The following PCDH9 variants were observed in gnomAD, a reference collection of about 807,000 sequenced individuals.
PCDH9 encodes protocadherin 9.
Under a neutral mutation model 70.6 loss-of-function variants are expected in PCDH9, and 24 were observed. That is an observed-to-expected ratio of 0.34 (90% CI 0.25 to 0.48). The LOEUF is 0.48. PCDH9 is among the 20% of genes least tolerant of loss of function. The probability of loss-of-function intolerance (pLI) is 0.99; values close to 1 mark genes in which losing one functional copy is unlikely to be tolerated. For synonymous variants in PCDH9, 562 were observed against 558.5 expected, an observed-to-expected ratio of 1.01 and a Z score of -0.09; for missense variants, 1,281 against 1,503.6, an observed-to-expected ratio of 0.85 and a Z score of 2.45.
At chr13:66,945,290 C>G (rs1258099449) in intron 2 of PCDH9, among the ~76,000 whole-genome samples, 1 of 152,046 alleles carries the variant, frequency 6.6e-6, no homozygotes, top group African/African-American at 2.4e-5. Flanking sequence ...CCCCAAGCAA[C>G]TAGTTCTTTC....
chr13:66,852,989 ATAG>A (rs2081338896), intron 3 of PCDH9, among the ~76,000 whole-genome samples: 1 of 152,072 alleles, frequency 6.6e-6, no homozygotes, highest in South Asian at 2.1e-4. Flanking sequence ...AAGAAGAGAA[ATAG>A]TAAGAAATTA....
At chr13:67,109,739 T>C (rs1010278246) in intron 2 of PCDH9, among the ~76,000 whole-genome samples, 4 of 152,180 alleles carry the variant, frequency 2.6e-5, no homozygotes, top group Non-Finnish European at 5.9e-5. Context: ...AATCAAAATA[T>C]TTCTTTGGGT....
rs756346888 is a variant in PCDH9 at position 67,225,702 on chromosome 13, T to C, written c.2739A>G (p.Gln913=). The C allele has an allele frequency of 9.3e-6, 15 of 1,614,164 alleles. No homozygotes were observed. The highest frequency in any genetic ancestry group is 1.3e-5 in the Non-Finnish European group (15 of 1,180,004). Residue 913 remains glutamine (Q), a synonymous_variant, in exon 2 of 5, where the codon CAA becomes CAG. Coordinates refer to ENST00000377865, the MANE Select transcript of PCDH9 (RefSeq NM_203487.3). ...TISLPAELEE[Q]SIGRFDWGPA... Reference sequence around the variant, plus strand: ...GGCCCCAGTCAAATCTTCCTATACTTTGCTCCTCCAGTTCAGCCGGCAGGC... The same window carrying C: ...GGCCCCAGTCAAATCTTCCTATACTCTGCTCCTCCAGTTCAGCCGGCAGGC...
intron 4 of PCDH9, among the ~76,000 whole-genome samples, chr13:66,538,486 A>G (rs936634811): frequency 6.6e-6 from 1 of 152,194 alleles, no homozygotes; most frequent in Non-Finnish European, 1.5e-5. Flanking sequence ...CAGAACCAAC[A>G]GGACATATAT....
At chr13:66,356,859 T>C (rs933572711) in intron 4 of PCDH9, among the ~76,000 whole-genome samples, 24 of 152,080 alleles carry the variant, frequency 1.6e-4, no homozygotes, top group Non-Finnish European at 1.5e-5. Flanking sequence ...ATGACAGTAC[T>C]GTCATTATGT....
chr13:66,879,201 T>C (rs1409540056), intron 3 of PCDH9, among the ~76,000 whole-genome samples: 1 of 152,198 alleles, frequency 6.6e-6, no homozygotes, highest in Non-Finnish European at 1.5e-5. Flanking sequence ...GCACAATTAT[T>C]AATTATATTT....
At chr13:67,028,774 A>G (rs907547388) in intron 2 of PCDH9, among the ~76,000 whole-genome samples, 2 of 152,126 alleles carry the variant, frequency 1.3e-5, no homozygotes, top group Non-Finnish European at 2.9e-5. Context: ...ATCTATTTAT[A>G]ATACACACAC....
At chr13:66,557,742 T>A (rs968304113) in intron 4 of PCDH9, among the ~76,000 whole-genome samples, 1 of 152,200 alleles carries the variant, frequency 6.6e-6, no homozygotes, top group Non-Finnish European at 1.5e-5. Context: ...GGAGAAGATG[T>A]GCTAATGATA....
intron 3 of PCDH9, among the ~76,000 whole-genome samples, chr13:66,750,353 C>T (rs2079438474): frequency 6.6e-6 from 1 of 151,740 alleles, no homozygotes; most frequent in Non-Finnish European, 1.5e-5. Context: ...TTTTCTCATT[C>T]TCCAAGAATG....
chr13:66,338,596 C>T (rs1042377097), intron 4 of PCDH9, among the ~76,000 whole-genome samples: 1 of 151,716 alleles, frequency 6.6e-6, no homozygotes, highest in African/African-American at 2.4e-5. Context: ...GGCAGATGAA[C>T]CCTTTCTCTT....
At chr13:66,831,083 T>C (rs1304200892) in intron 3 of PCDH9, among the ~76,000 whole-genome samples, 1 of 152,114 alleles carries the variant, frequency 6.6e-6, no homozygotes, top group Non-Finnish European at 1.5e-5. Flanking sequence ...TTAAGGGAAA[T>C]ATGAGTTATA....
chr13:66,719,399 T>C lies in PCDH9; in HGVS notation c.3139-87988A>G, dbSNP rs1046523115. On this transcript the variant is annotated intron_variant, in intron 3 of 4. Transcript: ENST00000377865. Reference sequence around the variant, plus strand: ...TAATTTAGTCAGGAGGTCTCTGCCCTCATGAGTGAGATTAGTGTTATTATG... The same window carrying C: ...TAATTTAGTCAGGAGGTCTCTGCCCCCATGAGTGAGATTAGTGTTATTATG... Among the ~76,000 whole-genome samples the C allele has an allele frequency of 1.3e-5, 2 of 152,250 alleles. 1 individual carries two copies. The highest frequency in any genetic ancestry group is 4.1e-4 in the South Asian group (2 of 4,822).
intron 3 of PCDH9, among the ~76,000 whole-genome samples, chr13:66,699,683 C>T (rs1326373523): frequency 6.6e-6 from 1 of 152,114 alleles, no homozygotes; most frequent in East Asian, 1.9e-4. Flanking sequence ...ATCTTGCAGA[C>T]ACCTTGATTT....
intron 2 of PCDH9, among the ~76,000 whole-genome samples, chr13:67,025,876 T>A (rs1020497870): frequency 3.3e-5 from 5 of 152,176 alleles, no homozygotes; most frequent in Non-Finnish European, 5.9e-5. Flanking sequence ...CATATTTATA[T>A]ATCATTTATG....
At chr13:67,006,243 C>A (rs535195551) in intron 2 of PCDH9, among the ~76,000 whole-genome samples, 7 of 151,976 alleles carry the variant, frequency 4.6e-5, no homozygotes, top group South Asian at 4.1e-4. Context: ...AACAAACAAA[C>A]AAAAAAATTG....
chr13:66,308,650 G>A (rs188698465), intron 4 of PCDH9, among the ~76,000 whole-genome samples: 378 of 152,144 alleles, frequency 2.5e-3, no homozygotes, highest in Non-Finnish European at 4.3e-3. Context: ...GAAAAACTGA[G>A]TAGGGTTAGC....
chr13:66,363,597 C>T (rs1052004186), intron 4 of PCDH9, among the ~76,000 whole-genome samples: 3 of 152,256 alleles, frequency 2.0e-5, no homozygotes, highest in Non-Finnish European at 4.4e-5. Context: ...ACAAGTCCAT[C>T]ATTTTTGCTT....
intron 4 of PCDH9, among the ~76,000 whole-genome samples, chr13:66,625,930 C>G (rs1304480423): frequency 6.6e-6 from 1 of 152,090 alleles, no homozygotes; most frequent in African/African-American, 2.4e-5. Flanking sequence ...TCCCAAAGTG[C>G]TGTGATTAAA....
intron 2 of PCDH9, among the ~76,000 whole-genome samples, chr13:67,065,490 G>T (rs2085629454): frequency 6.6e-6 from 1 of 152,010 alleles, no homozygotes; most frequent in Non-Finnish European, 1.5e-5. Context: ...ATTGAACTTG[G>T]AAGCTGATGA....
Sources: gnomAD v4.1 joint callset for allele counts (sites outside exome capture counted in the v4.1 genomes callset) on GRCh38, gnomAD v4.1.1 for gene constraint, MANE v1.5 for transcripts, NCBI Gene and HGNC (gene_info 2026-07-23, HGNC 2026-07-21) for gene names.